MAGI2: variants seen among roughly 807,000 people sequenced by gnomAD.
MAGI2 encodes the protein membrane-associated guanylate kinase, WW and PDZ domain-containing protein 2.
In MAGI2, 35 loss-of-function variants were observed where a neutral mutation model predicts 133.3. The observed-to-expected ratio is 0.26, with a 90% CI of 0.20 to 0.35. MAGI2 has a LOEUF of 0.35. Among genes scored for constraint, MAGI2 ranks in the 10% least tolerant of loss-of-function variants. The pLI is 1.00. For synonymous variants in MAGI2, 729 were observed against 710.6 expected (o/e 1.03, Z -0.41); for missense variants, 1,636 against 1,863.4 (o/e 0.88, Z 2.25).
chr7:79,333,335 C>G (rs1378195592), intron 1 of MAGI2, among the ~76,000 whole-genome samples: 1 of 152,044 alleles, frequency 6.6e-6, no homozygotes, highest in African/African-American at 2.4e-5. Context: ...ACCATGTTGG[C>G]CAGGTTGGTC....
intron 1 of MAGI2, among the ~76,000 whole-genome samples, chr7:79,240,849 T>A (rs1015916530): frequency 6.6e-6 from 1 of 152,212 alleles, no homozygotes; most frequent in Non-Finnish European, 1.5e-5. Flanking sequence ...GAATTCTCTA[T>A]ATCTCTTCTT....
chr7:78,408,490 T>G (rs913082542), intron 6 of MAGI2, among the ~76,000 whole-genome samples: 1 of 151,918 alleles, frequency 6.6e-6, no homozygotes. Context: ...AAAGGAGGGA[T>G]GGAGAAAGGA....
chr7:78,501,668 G>A lies in MAGI2; in HGVS notation c.874C>T (p.Pro292Ser), dbSNP rs757912009. The A allele has an allele frequency of 1.6e-5, 26 of 1,614,030 alleles. No homozygotes were observed. The South Asian group carries it at 2.1e-4, about 13-fold the overall frequency. The change falls in exon 5 of 22, where the codon CCA becomes TCA. Residue 292 changes from proline (P) to serine (S), a missense_variant. Around this residue, in one of 5 missense-constraint regions of MAGI2, gnomAD observed 165 missense variants for 128.4 expected, o/e 1.28. Coordinates refer to ENST00000354212, the MANE Select transcript of MAGI2 (RefSeq NM_012301.4). ...ELKEQMDDTKPTKPEDNEEPD... is the reference protein window; with the variant it reads ...ELKEQMDDTKSTKPEDNEEPD... ...TCCTCATTGTCTTCAGGTTTAGTTG[G>A]CTTTGTGTCATCCATCTGCTCCTTC...
intron 2 of MAGI2, among the ~76,000 whole-genome samples, chr7:78,953,996 C>G (rs1802079142): frequency 6.6e-6 from 1 of 152,116 alleles, no homozygotes; most frequent in Non-Finnish European, 1.5e-5. Context: ...TCAAATGGAA[C>G]AATCCCTTCC....
intron 1 of MAGI2, among the ~76,000 whole-genome samples, chr7:79,394,224 T>C (rs183192580): frequency 6.6e-6 from 1 of 152,112 alleles, no homozygotes; most frequent in African/African-American, 2.4e-5. Context: ...TGAAGTGAAC[T>C]CTCCTGAACA....
intron 6 of MAGI2, among the ~76,000 whole-genome samples, chr7:78,373,708 C>T (rs987484778): frequency 2.6e-5 from 4 of 152,090 alleles, no homozygotes; most frequent in African/African-American, 9.7e-5. Flanking sequence ...AGGTACTGAG[C>T]ATAGTAGCAC....
intron 1 of MAGI2, among the ~76,000 whole-genome samples, chr7:79,236,435 A>G (rs1831929242): frequency 6.6e-6 from 1 of 152,254 alleles, no homozygotes; most frequent in African/African-American, 2.4e-5. Context: ...TCATTGCTCA[A>G]TAATTGCGTA....
chr7:78,397,297 C>T (rs1195598473), intron 6 of MAGI2, among the ~76,000 whole-genome samples: 2 of 151,832 alleles, frequency 1.3e-5, no homozygotes, highest in African/African-American at 2.4e-5. Flanking sequence ...TAAAAATACA[C>T]TGGCGTCAAG....
intron 20 of MAGI2, among the ~76,000 whole-genome samples, chr7:78,107,451 T>C (rs940520252): frequency 5.9e-5 from 9 of 152,178 alleles, no homozygotes; most frequent in African/African-American, 2.2e-4. Flanking sequence ...ATGGACATTT[T>C]AACTATATTA....
chr7:78,201,093 C>A lies in MAGI2; in HGVS notation c.2079+69G>T, dbSNP rs17809600. 227,979 of 1,046,496 alleles carry A rather than the reference C, an allele frequency of 0.22. 25,822 individuals carry two copies. Among genetic ancestry groups the A allele is most frequent in the South Asian group, 0.28 (17,597 of 63,846 alleles). 64.8% of individuals were successfully genotyped at this position (1,046,496 alleles called of 1,614,324 possible). A position where few individuals can be genotyped will look rare whatever the true frequency, so the allele number is the denominator to read the frequency against. Reference sequence around the variant, plus strand: ...AAAGAGATTTTGAGGTCACCCAATTCAACTTTTATTAAATGAAATTGCAAT... The same window carrying A: ...AAAGAGATTTTGAGGTCACCCAATTAAACTTTTATTAAATGAAATTGCAAT... On this transcript the variant is annotated intron_variant, in intron 11 of 21. Transcript: ENST00000354212.
chr7:78,240,691 A>C (rs10238177), intron 10 of MAGI2, among the ~76,000 whole-genome samples: 95,756 of 151,904 alleles, frequency 0.63, 30,765 homozygotes, highest in Non-Finnish European at 0.69. Context: ...AAACCATCAC[A>C]GGAAGAATAA....
chr7:78,347,265 T>C (rs1791018259), intron 7 of MAGI2: 2 of 152,322 alleles, frequency 1.3e-5, no homozygotes, highest in African/African-American at 4.8e-5. Flanking sequence ...AGCAGCAACA[T>C]CTCAACAACC....
intron 9 of MAGI2, 110 bp downstream of exon 9, chr7:78,343,668 A>C (rs1442559082): frequency 1.4e-6 from 1 of 736,096 alleles, no homozygotes; most frequent in South Asian, 5.0e-5. Flanking sequence ...GCTTTTCCTA[A>C]AGTGAAGTGA....
At chr7:78,784,214 T>C (rs1478792983) in intron 2 of MAGI2, among the ~76,000 whole-genome samples, 1 of 151,800 alleles carries the variant, frequency 6.6e-6, no homozygotes, top group African/African-American at 2.4e-5. Context: ...TTTTTTTTTT[T>C]TTCTTACTAA....
intron 2 of MAGI2, among the ~76,000 whole-genome samples, chr7:78,667,819 T>C (rs1220847246): frequency 6.6e-6 from 1 of 152,136 alleles, no homozygotes; most frequent in Non-Finnish European, 1.5e-5. Flanking sequence ...GTTCCAAGTC[T>C]TTGCTATTGT....
chr7:78,330,717 G>A (rs931770316), intron 9 of MAGI2, among the ~76,000 whole-genome samples: 30 of 151,784 alleles, frequency 2.0e-4, no homozygotes, highest in African/African-American at 7.3e-4. Flanking sequence ...TAAGCCTTGG[G>A]GATTTATTAA....
chr7:78,353,842 G>C (rs1791780616), intron 7 of MAGI2, among the ~76,000 whole-genome samples: 1 of 152,302 alleles, frequency 6.6e-6, no homozygotes, highest in Admixed American at 6.5e-5. Context: ...AGAGGCGTAG[G>C]GGAGCGGATG....
rs535559259 is a variant in MAGI2 at position 79,183,295 on chromosome 7, G to A, written c.302-176089C>T. On this transcript the variant is annotated intron_variant, in intron 1 of 21. Coordinates refer to ENST00000354212, the MANE Select transcript of MAGI2 (RefSeq NM_012301.4). Reference sequence around the variant, plus strand: ...TAATTATATATATTATGTATGCAACGAAATTTCTCATGGACCCCATAAACA... The same window carrying A: ...TAATTATATATATTATGTATGCAACAAAATTTCTCATGGACCCCATAAACA... Among the ~76,000 whole-genome samples the A allele has an allele frequency of 5.9e-5, 9 of 151,576 alleles. No individual in the cohort carries two copies. In the East Asian group the frequency reaches 1.4e-3, roughly 23 times the overall value.
intron 1 of MAGI2, among the ~76,000 whole-genome samples, chr7:79,299,112 C>T (rs1837175756): frequency 6.6e-6 from 1 of 151,936 alleles, no homozygotes; most frequent in African/African-American, 2.4e-5. Context: ...AGTAATAAGG[C>T]AATGTGATGG....
Sources: allele counts gnomAD v4.1 joint callset (sites outside exome capture counted in the v4.1 genomes callset), GRCh38; gene constraint gnomAD v4.1.1; regional missense constraint gnomAD v4.1.1; transcripts MANE v1.5; gene names NCBI Gene and HGNC (gene_info 2026-07-23, HGNC 2026-07-21).